Variants in KCNAB1 observed in about 807,000 individuals in gnomAD.
KCNAB1 encodes potassium voltage-gated channel subfamily A regulatory beta subunit 1.
KCNAB1 carries 35 observed loss-of-function variants against 64.6 expected under a neutral mutation model. The observed-to-expected ratio is 0.54, with a 90% CI of 0.41 to 0.72. The LOEUF (loss-of-function observed/expected upper bound fraction) is 0.72. Ranked by LOEUF, KCNAB1 falls within the 30% of genes least tolerant of loss-of-function variation. KCNAB1 has a pLI of 0.00. For synonymous variants in KCNAB1, 177 were observed against 183.8 expected (o/e 0.96, Z 0.30); for missense variants, 401 against 512.9 (o/e 0.78, Z 2.11).
chr3:156,323,745 T>C (rs569328143), intron 1 of KCNAB1, among the ~76,000 whole-genome samples: 2 of 152,282 alleles, frequency 1.3e-5, no homozygotes, highest in South Asian at 4.1e-4. Context: ...TATAGTCGTG[T>C]CATACCTTGA....
chr3:156,502,532 CCACACACACACACACACA>C (rs60469602), intron 8 of KCNAB1, among the ~76,000 whole-genome samples: 12 of 142,914 alleles, frequency 8.4e-5, no homozygotes, highest in South Asian at 6.7e-4. Flanking sequence ...TACCTTACAA[CCACACACACACACACACA>C]CACACACACA....
At chr3:156,285,599 C>G (rs1470821914) in intron 1 of KCNAB1, among the ~76,000 whole-genome samples, 1 of 152,176 alleles carries the variant, frequency 6.6e-6, no homozygotes, top group Non-Finnish European at 1.5e-5. Context: ...CTCACAGGCT[C>G]AAGTGATCCT....
At chr3:156,454,892 A>G (rs1712282092) in intron 3 of KCNAB1, among the ~76,000 whole-genome samples, 1 of 152,166 alleles carries the variant, frequency 6.6e-6, no homozygotes, top group Admixed American at 6.5e-5. Context: ...GCAATGAGCC[A>G]AGCTTGCCCG....
At chr3:156,430,716 C>T (rs961753697) in intron 2 of KCNAB1, among the ~76,000 whole-genome samples, 75 of 152,290 alleles carry the variant, frequency 4.9e-4, no homozygotes, top group African/African-American at 1.6e-3. Flanking sequence ...CCATCTACTT[C>T]CAGCCTCCAA....
At chr3:156,156,582 A>ATGATATG (rs1715739964) in intron 1 of KCNAB1, among the ~76,000 whole-genome samples, 1 of 152,214 alleles carries the variant, frequency 6.6e-6, no homozygotes, top group African/African-American at 2.4e-5. Context: ...ATAAATGGAT[A>ATGATATG]TGATATGCAA....
At chr3:156,215,314 C>CA (rs1715249200) in intron 1 of KCNAB1, among the ~76,000 whole-genome samples, 2 of 152,166 alleles carry the variant, frequency 1.3e-5, no homozygotes, top group Non-Finnish European at 2.9e-5. Context: ...AAGCATCACT[C>CA]AATTCAATTG....
intron 1 of KCNAB1, among the ~76,000 whole-genome samples, chr3:156,225,121 A>G (rs777065393): frequency 6.6e-6 from 1 of 152,222 alleles, no homozygotes; most frequent in Non-Finnish European, 1.5e-5. Context: ...TAACAAAAAA[A>G]GAAAACTACA....
At chr3:156,265,324 T>C (rs1286382162) in intron 1 of KCNAB1, among the ~76,000 whole-genome samples, 1 of 152,168 alleles carries the variant, frequency 6.6e-6, no homozygotes, top group Non-Finnish European at 1.5e-5. Flanking sequence ...GTTTCCATCC[T>C]GCTTCCATCC....
Position 156,387,014 on chromosome 3 carries a change from CTTTTTTTTTTT to C in KCNAB1, c.276-34592_276-34582del, listed in dbSNP as rs1194708289. On this transcript the variant is annotated intron_variant, in intron 1 of 13. Transcript: ENST00000490337. The stretch of plus-strand genomic sequence containing the variant: ...TCTTGCTTGCTTGCTTTCTCTCTCT[CTTTTTTTTTTT>C]TTTTTTTTTGCCTGTATGCTACTCT... 6.6e-5 allele frequency among the ~76,000 whole-genome samples: 6 copies of C among 90,526 alleles called. 1 individual carries two copies. Among genetic ancestry groups the C allele is most frequent in the African/African-American group, 3.3e-4 (6 of 18,356 alleles). The allele number at this position is 90,526 out of a possible 152,430, so 59.4% of individuals were successfully genotyped here.
intron 1 of KCNAB1, among the ~76,000 whole-genome samples, chr3:156,415,388 T>A (rs1172511041): frequency 1.3e-5 from 2 of 152,140 alleles, no homozygotes; most frequent in African/African-American, 4.8e-5. Flanking sequence ...GAAAGAGACT[T>A]TAAAAAGCCA....
chr3:156,529,401 T>C (rs1200303456), intron 12 of KCNAB1, among the ~76,000 whole-genome samples: 1 of 151,876 alleles, frequency 6.6e-6, no homozygotes, highest in Non-Finnish European at 1.5e-5. Context: ...ACCTTAAAAA[T>C]GATGGTTGGT....
At chr3:156,151,640 C>T (rs1715417708) in intron 1 of KCNAB1, among the ~76,000 whole-genome samples, 1 of 152,190 alleles carries the variant, frequency 6.6e-6, no homozygotes, top group Non-Finnish European at 1.5e-5. Context: ...CCCACCTCTC[C>T]ATTTATTTTT....
intron 8 of KCNAB1, among the ~76,000 whole-genome samples, chr3:156,478,229 G>T (rs186227232): frequency 0.011 from 1,614 of 151,854 alleles, 16 homozygotes; most frequent in South Asian, 0.029. Context: ...AGCAACTCAC[G>T]TTGGCTATTT....
At chr3:156,357,556 A>G (rs1181479069) in intron 1 of KCNAB1, among the ~76,000 whole-genome samples, 1 of 152,174 alleles carries the variant, frequency 6.6e-6, no homozygotes. Context: ...AAACTTTTAA[A>G]TGATAGAGAG....
intron 1 of KCNAB1, among the ~76,000 whole-genome samples, chr3:156,333,013 C>T (rs1723446727): frequency 6.6e-6 from 1 of 152,122 alleles, no homozygotes; most frequent in Non-Finnish European, 1.5e-5. Flanking sequence ...CCTCAAGGAG[C>T]TTTGAAGCTG....
At chr3:156,161,405 C>T (rs1447623707) in intron 1 of KCNAB1, among the ~76,000 whole-genome samples, 2 of 152,084 alleles carry the variant, frequency 1.3e-5, no homozygotes, top group African/African-American at 2.4e-5. Flanking sequence ...TATTGATGAC[C>T]TAACTGAAAG....
intron 1 of KCNAB1, among the ~76,000 whole-genome samples, chr3:156,350,911 G>A (rs1724813242): frequency 6.6e-6 from 1 of 152,252 alleles, no homozygotes; most frequent in Admixed American, 6.5e-5. Context: ...CCCTCACCCA[G>A]CTGTGCAGGG....
chr3:156,300,423 C>T (rs2107986152), intron 1 of KCNAB1, among the ~76,000 whole-genome samples: 1 of 152,290 alleles, frequency 6.6e-6, no homozygotes, highest in Non-Finnish European at 1.5e-5. Flanking sequence ...ATTTCATTTT[C>T]TGACTCCCAA....
At chr3:156,436,248 A>T (rs968932996) in intron 2 of KCNAB1, among the ~76,000 whole-genome samples, 1 of 152,082 alleles carries the variant, frequency 6.6e-6, no homozygotes, top group Non-Finnish European at 1.5e-5. Flanking sequence ...AGGACATCTC[A>T]TTCCTTTTTA....
Sources: gnomAD v4.1 joint callset for allele counts (sites outside exome capture counted in the v4.1 genomes callset) on GRCh38, gnomAD v4.1.1 for gene constraint, MANE v1.5 for transcripts, NCBI Gene and HGNC (gene_info 2026-07-23, HGNC 2026-07-21) for gene names.